PADI6: variants seen among roughly 807,000 people sequenced by gnomAD.
The protein encoded by PADI6 is inactive protein-arginine deiminase type-6.
PADI6 carries 66 observed loss-of-function variants against 78.2 expected under a neutral mutation model. The observed-to-expected ratio is 0.84, with a 90% CI of 0.69 to 1.04. The LOEUF is 1.04. Among genes scored for constraint, PADI6 ranks in the 50% least tolerant of loss-of-function variants. The probability of loss-of-function intolerance (pLI) is 0.00; values close to 1 mark genes in which losing one functional copy is unlikely to be tolerated. For missense variants in PADI6, 854 were observed against 866.1 expected (o/e 0.99, Z 0.18); for synonymous variants, 397 against 346.9 (o/e 1.14, Z -1.60).
rs1218393892 is a variant in PADI6 at position 17,380,021 on chromosome 1, G to A, written c.435+34G>A. 4 of 1,603,964 alleles carry A rather than the reference G, an allele frequency of 2.5e-6. No individual in the cohort carries two copies. In the East Asian group the frequency reaches 8.9e-5, roughly 36 times the overall value. On this transcript the variant is annotated intron_variant, in intron 4 of 15. Coordinates refer to ENST00000619609, the MANE Select transcript of PADI6 (RefSeq NM_207421.4). ...GCCAGCAAAAGGGGGCAGGGAAGGGGCCCTATAAGCCAAATCTGCCCACAG... is the reference window on the plus strand; with the variant it reads ...GCCAGCAAAAGGGGGCAGGGAAGGGACCCTATAAGCCAAATCTGCCCACAG...
rs939256909 is a variant in PADI6, at chr1:17,401,605, C to G, written c.*167C>G. ...CTCGGACCCAGTAGGATGGCAAATG[C>G]CGCCAGCTTGAACCCCTATGGGGAA... is the stretch of plus-strand genomic sequence containing the variant. On this transcript the variant is annotated 3_prime_UTR_variant, in exon 16 of 16. Transcript: ENST00000619609. 1.5e-5 allele frequency: 10 copies of G among 652,104 alleles called. No homozygotes were observed. In the African/African-American group the frequency reaches 1.8e-4, roughly 12 times the overall value. 40.4% of individuals were successfully genotyped at this position (652,104 alleles called of 1,614,324 possible).
intron 6 of PADI6, among the ~76,000 whole-genome samples, chr1:17,383,977 C>T (rs1013878487): frequency 1.3e-5 from 2 of 151,504 alleles, no homozygotes; most frequent in African/African-American, 4.8e-5. Flanking sequence ...GGCAAAACCA[C>T]ATCTCTACTA....
At chr1:17,399,776 G>A (rs2075283713) in intron 15 of PADI6, among the ~76,000 whole-genome samples, 1 of 151,718 alleles carries the variant, frequency 6.6e-6, no homozygotes, top group Non-Finnish European at 1.5e-5. Context: ...AGTGGCTCAT[G>A]CCCGTAATCT....
rs762249786 is a variant in PADI6 at position 17,395,693 on chromosome 1, AC to A, written c.1618+31del. The stretch of plus-strand genomic sequence containing the variant: ...GGGAACTCCCTTTCCACAGAACAGA[AC>A]TGGGGTCTTCCTTTTTCCAGGGGTC... On this transcript the variant is annotated intron_variant, in intron 13 of 15. Transcript: ENST00000619609. 1.0e-5 allele frequency: 16 copies of A among 1,584,702 alleles called. No individual in the cohort carries two copies. In the African/African-American group the frequency reaches 2.0e-4, roughly 20 times the overall value.
intron 4 of PADI6, 92 bp downstream of exon 4, chr1:17,380,079 C>T (rs2075058057): frequency 2.3e-6 from 3 of 1,286,382 alleles, no homozygotes; most frequent in Admixed American, 3.6e-5. Flanking sequence ...CGTGTCTAGC[C>T]CAATTGCTGT....
chr1:17,385,676 C>A (rs2075112525), intron 6 of PADI6, among the ~76,000 whole-genome samples: 1 of 152,120 alleles, frequency 6.6e-6, no homozygotes, highest in Non-Finnish European at 1.5e-5. Context: ...ACCAGTGACA[C>A]AACAGCAGTG....
At chr1:17,400,326 A>G (rs2075288515) in intron 15 of PADI6, among the ~76,000 whole-genome samples, 1 of 151,904 alleles carries the variant, frequency 6.6e-6, no homozygotes, top group Admixed American at 6.6e-5. Context: ...CCAGCCTTAC[A>G]TGGAGAAACT....
intron 3 of PADI6, among the ~76,000 whole-genome samples, chr1:17,376,955 T>C (rs1046334432): frequency 1.3e-5 from 2 of 152,142 alleles, no homozygotes; most frequent in African/African-American, 2.4e-5. Context: ...GACACGATCA[T>C]GGCTCATTGC....
In PADI6 at chr1:17,394,971, G is replaced by A. The variant is rs1345806597; in HGVS notation, c.1358G>A (p.Ser453Asn). The part of the protein sequence containing the change: ...FYPSAEGRAM[S>N]KTLRDFLYAQ... ...TCTAGCGCAGAGGGCCGGGCCATGA[G>A]TAAGACCCTCCGAGACTTCCTCTAT... Residue 453 changes from serine to asparagine, a missense_variant, in exon 12 of 16, where the codon AGT (serine) becomes AAT (asparagine). By Grantham distance (46) the Ser-to-Asn change is conservative. Coordinates refer to ENST00000619609, the MANE Select transcript of PADI6 (RefSeq NM_207421.4). 4 of 1,612,676 alleles carry A rather than the reference G, an allele frequency of 2.5e-6. No homozygotes were observed. In the African/African-American group the frequency reaches 4.0e-5, roughly 16 times the overall value.
rs2074979192 is a variant in PADI6, at chr1:17,373,139, A to G, written c.200A>G (p.Glu67Gly). The G allele has an allele frequency of 1.2e-6, 2 of 1,613,640 alleles. No individual in the cohort carries two copies. Among genetic ancestry groups the G allele is most frequent in the Non-Finnish European group, 1.7e-6 (2 of 1,179,830 alleles). ...GATGTGGCCAACACGGTGATTTCTG[A>G]GAAGGAGGACGCCACCATCTGGTGG... ...LIDVANTVIS[E>G]KEDATIWWPL... The change falls in exon 2 of 16, where the codon GAG becomes GGG. Residue 67 changes from glutamate to glycine, a missense_variant. By Grantham distance (98) the Glu-to-Gly change is moderately conservative. Transcript: ENST00000619609.
intron 6 of PADI6, among the ~76,000 whole-genome samples, chr1:17,383,558 C>T (rs2075092637): frequency 6.6e-6 from 1 of 152,222 alleles, no homozygotes; most frequent in Admixed American, 6.5e-5. Flanking sequence ...ATTGAAAAAG[C>T]TTATTCAGGC....
intron 14 of PADI6, among the ~76,000 whole-genome samples, chr1:17,397,904 C>T (rs938595605): frequency 1.3e-5 from 2 of 152,144 alleles, no homozygotes; most frequent in African/African-American, 4.8e-5. Context: ...TTCCGAGAAG[C>T]TGAGTATCAG....
At chr1:17,376,111 A>G (rs192893089) in intron 3 of PADI6, among the ~76,000 whole-genome samples, 6 of 152,242 alleles carry the variant, frequency 3.9e-5, no homozygotes, top group Admixed American at 1.3e-4. Context: ...ATTAGCTGGG[A>G]CTATAGGTGT....
Position 17,382,082 on chromosome 1 carries a change from C to T in PADI6, c.669C>T (p.Tyr223=), listed in dbSNP as rs1570130359. The T allele has an allele frequency of 6.2e-7, 1 of 1,613,882 alleles. No individual in the cohort carries two copies. The highest frequency in any genetic ancestry group is 8.5e-7 in the Non-Finnish European group (1 of 1,179,808). Residue 223 remains tyrosine (Y), a synonymous_variant, in exon 6 of 16, where the codon TAC becomes TAT. Coordinates refer to ENST00000619609, the MANE Select transcript of PADI6 (RefSeq NM_207421.4). ...AAGAGTCGAAGAAGGCGAGAGTCTA[C>T]TGGCCCCAAAGTGAGTGTTCTTGTG... The part of the protein sequence containing the change: ...SKEESKKARV[Y]WPQKDNSSTF...
At chr1:17,386,059 T>TA (rs5772757) in intron 6 of PADI6, among the ~76,000 whole-genome samples, 97,711 of 151,814 alleles carry the variant, frequency 0.64, 31,509 homozygotes, top group South Asian at 0.67. Context: ...CCAGGGTGGG[T>TA]AGGGAGAGTT....
chr1:17,376,891 T>C (rs539137284), intron 3 of PADI6, among the ~76,000 whole-genome samples: 68 of 151,752 alleles, frequency 4.5e-4, no homozygotes, highest in Non-Finnish European at 9.3e-4. Flanking sequence ...TTTGTCTTGT[T>C]TTTTGTTTTT....
At chr1:17,376,538 AT>A (rs890885268) in intron 3 of PADI6, among the ~76,000 whole-genome samples, 2 of 143,970 alleles carry the variant, frequency 1.4e-5, no homozygotes, top group African/African-American at 2.6e-5. Context: ...TTAGTGGGCT[AT>A]TTTTTTTGTA....
chr1:17,377,522 C>T (rs368552210), intron 3 of PADI6, among the ~76,000 whole-genome samples: 3 of 152,278 alleles, frequency 2.0e-5, no homozygotes, highest in South Asian at 2.1e-4. Context: ...CCAGCATGAT[C>T]GCTTCGGTGT....
At chr1:17,375,978 T>C (rs2075012122) in intron 3 of PADI6, among the ~76,000 whole-genome samples, 1 of 151,734 alleles carries the variant, frequency 6.6e-6, no homozygotes. Context: ...ACATCTACTT[T>C]TTTTTTCTTT....
Sources: allele counts gnomAD v4.1 joint callset (sites outside exome capture counted in the v4.1 genomes callset), GRCh38; gene constraint gnomAD v4.1.1; transcripts MANE v1.5; gene names NCBI Gene and HGNC (gene_info 2026-07-23, HGNC 2026-07-21).